ZAN: variants seen among roughly 807,000 people sequenced by gnomAD.
The protein encoded by ZAN is zonadhesin (gene/pseudogene).
A neutral mutation model predicts 286.2 loss-of-function variants in ZAN; 260 were observed. The ratio of observed to expected loss-of-function variants is 0.91; its 90% confidence interval spans 0.82 to 1.01. The LOEUF is 1.01. Ranked by LOEUF, ZAN falls within the 50% of genes least tolerant of loss-of-function variation. The pLI is 0.00. For synonymous variants in ZAN, 1,368 were observed against 1,417.5 expected (o/e 0.97, Z 0.79); for missense variants, 3,410 against 3,639.2 (o/e 0.94, Z 1.62).
Position 100,793,851 on chromosome 7 carries a change from G to C in ZAN, c.7819G>C (p.Glu2607Gln), listed in dbSNP as rs777132059. ...HGVSSRYHIS[E>Q]LYDTLPSILC... is the part of the protein sequence containing the mutation. ...AGTGTCCAGCAGGTACCATATATCA[G>C]AGCTGTATGACACCCTGCCCAGCAT... Residue 2607 changes from glutamate to glutamine, a missense_variant, in exon 43 of 48, where the codon GAG becomes CAG. Glu to Gln is a conservative substitution (Grantham distance 29). Transcript: ENST00000613979. 3.1e-6 allele frequency: 5 copies of C among 1,611,666 alleles called. No individual in the cohort carries two copies. In the South Asian group the frequency reaches 5.5e-5, roughly 18 times the overall value.
At chr7:100,747,053 C>T (rs946184936) in intron 8 of ZAN, among the ~76,000 whole-genome samples, 4 of 151,788 alleles carry the variant, frequency 2.6e-5, no homozygotes, top group Admixed American at 6.6e-5. Flanking sequence ...CACTGCACTC[C>T]GGCCTGGTGA....
intron 46 of ZAN, 25 bp downstream of exon 46, chr7:100,797,490 A>C (rs770627519): frequency 6.3e-6 from 10 of 1,593,248 alleles, no homozygotes; most frequent in Non-Finnish European, 7.7e-6. Flanking sequence ...GGAGAGAGGA[A>C]GGGCGGGTGG....
At position 100,752,242 on chromosome 7, in the gene ZAN, TCCCCAGAAAAACCCACCATCC is replaced by T; in HGVS notation, c.2140_2160del (p.Pro714_Pro720del). On this transcript the variant is annotated inframe_deletion, in exon 14 of 48. Coordinates refer to ENST00000613979, the MANE Select transcript of ZAN (RefSeq NM_003386.3). ...CATCTCCACAGAAAAACCCACCATCTCCCCAGAAAAACCCACCATCCCCACAGAAAAACCCACCATCCCCAC... is the reference window on the plus strand; with the variant it reads ...CATCTCCACAGAAAAACCCACCATCTCCACAGAAAAACCCACCATCCCCAC... The T allele has an allele frequency of 1.3e-6, 2 of 1,482,286 alleles. No homozygotes were observed. The highest frequency in any genetic ancestry group is 1.2e-5 in the South Asian group (1 of 83,390). 91.8% of individuals were successfully genotyped at this position (1,482,286 alleles called of 1,614,324 possible).
intron 7 of ZAN, among the ~76,000 whole-genome samples, chr7:100,745,902 A>G (rs1808185037): frequency 6.6e-6 from 1 of 150,614 alleles, no homozygotes; most frequent in Middle Eastern, 3.3e-3. Context: ...AAGAAAAGGA[A>G]CAGGCTATGA....
In ZAN at chr7:100,775,267, C is replaced by T; in HGVS notation, c.5780-61C>T. On this transcript the variant is annotated intron_variant, in intron 31 of 47. Transcript: ENST00000613979. Reference sequence around the variant, plus strand: ...GGCAGGGAGAACCCAGGACTAGTTTCCCAGGGACCCTGTACCTGCCAGAGG... The same window carrying T: ...GGCAGGGAGAACCCAGGACTAGTTTTCCAGGGACCCTGTACCTGCCAGAGG... 5 of 1,567,724 alleles carry T rather than the reference C, an allele frequency of 3.2e-6. No homozygotes were observed. In the South Asian group the frequency reaches 4.7e-5, roughly 15 times the overall value.
At chr7:100,765,101 G>A (rs541481707) in intron 22 of ZAN, among the ~76,000 whole-genome samples, 1 of 152,276 alleles carries the variant, frequency 6.6e-6, no homozygotes, top group South Asian at 2.1e-4. Context: ...ACACAGCAGC[G>A]CTGCCAGTGG....
intron 28 of ZAN, 65 bp from the exon 29 acceptor site, chr7:100,771,779 A>C: frequency 2.6e-6 from 4 of 1,516,336 alleles, no homozygotes; most frequent in Non-Finnish European, 3.6e-6. Context: ...AGCCCCAGGG[A>C]AGCCACATGG....
intron 11 of ZAN, among the ~76,000 whole-genome samples, chr7:100,750,090 A>T (rs1808544833): frequency 6.7e-6 from 1 of 149,686 alleles, no homozygotes; most frequent in Non-Finnish European, 1.5e-5. Flanking sequence ...ACACACACAC[A>T]CACACACACG....
At position 100,735,134 on chromosome 7, in the gene ZAN, A is replaced by C. The variant is rs1257355790; in HGVS notation, c.54-586A>C. Reference sequence around the variant, plus strand: ...GGGAGGCGGAGACTGCAGTGAGCGGAAATTGCACCATTGCACTCCAGCCTG... The same window carrying C: ...GGGAGGCGGAGACTGCAGTGAGCGGCAATTGCACCATTGCACTCCAGCCTG... On this transcript the variant is annotated intron_variant, in intron 2 of 47. Transcript: ENST00000613979. 1.4e-5 allele frequency among the ~76,000 whole-genome samples: 2 copies of C among 138,772 alleles called. 1 individual carries two copies. Among genetic ancestry groups the C allele is most frequent in the African/African-American group, 5.3e-5 (2 of 37,880 alleles). The allele number at this position is 138,772 out of a possible 152,430, so 91.0% of individuals were successfully genotyped here.
chr7:100,747,595 A>C lies in ZAN; in HGVS notation c.977A>C (p.Asn326Thr). 6.2e-7 allele frequency: 1 copy of C among 1,613,748 alleles called. No homozygotes were observed. The highest frequency in any genetic ancestry group is 8.5e-7 in the Non-Finnish European group (1 of 1,179,824). Residue 326 changes from asparagine to threonine, a missense_variant, in exon 9 of 48, where the codon AAC (asparagine) becomes ACC (threonine). Physicochemically the swap from Asn to Thr is moderately conservative, Grantham distance 65. Around this residue, in one of 7 missense-constraint regions of ZAN, gnomAD observed 872 missense variants for 938.9 expected, o/e 0.93. Transcript: ENST00000613979. ...HTLFSGQPGPNWQAVSVNYTA... is the reference protein window; with the variant it reads ...HTLFSGQPGPTWQAVSVNYTA... ...CTCTTCTCAGGACAACCTGGGCCCA[A>C]CTGGCAGGCTGTTTCTGTCAATTAC...
intron 26 of ZAN, 86 bp downstream of exon 26, chr7:100,768,097 G>A: frequency 7.0e-7 from 1 of 1,430,898 alleles, no homozygotes; most frequent in Non-Finnish European, 9.4e-7. Context: ...TCTCTGTGAG[G>A]TGTTCTAAGT....
chr7:100,734,202 G>A lies in ZAN; in HGVS notation c.34G>A (p.Val12Met). 6.9e-7 allele frequency: 1 copy of A among 1,457,756 alleles called. No individual in the cohort carries two copies. The highest frequency in any genetic ancestry group is 9.3e-7 in the Non-Finnish European group (1 of 1,072,690). The allele number at this position is 1,457,756 out of a possible 1,614,324, so 90.3% of individuals were successfully genotyped here. The change falls in exon 2 of 48, where the codon GTG becomes ATG. Residue 12 changes from valine (V) to methionine (M), a missense_variant. Transcript: ENST00000613979. ...TCCAGTCTGGACTCTGCTGCTTCTG[G>A]TGGGGGCTGCCCTTTTCAGGTAAGC... ...VPPVWTLLLLVGAALFRKEKP... is the reference protein window; with the variant it reads ...VPPVWTLLLLMGAALFRKEKP...
chr7:100,759,888 G>A (rs376749556), intron 18 of ZAN, 43 bp downstream of exon 18: 1 of 1,593,080 alleles, frequency 6.3e-7, no homozygotes, highest in East Asian at 2.2e-5. Flanking sequence ...GGGTCTGACT[G>A]TGTGTCCTGG....
chr7:100,736,894 C>T lies in ZAN; in HGVS notation c.339C>T (p.Gly113=), dbSNP rs1310565773. Residue 113 remains glycine (G), a synonymous_variant, in exon 5 of 48, where the codon GGC becomes GGT. Transcript: ENST00000613979. The stretch of plus-strand genomic sequence containing the variant: ...TCAGCCCCGACCTATGGGAGCAAGG[C>T]CCCCTCTGTGTGCACTTTGCCCACC... ...RLLSPDLWEQ[G]PLCVHFAHHM... 3 of 1,488,856 alleles carry T rather than the reference C, an allele frequency of 2.0e-6. No individual in the cohort carries two copies. Among genetic ancestry groups the T allele is most frequent in the East Asian group, 2.4e-5 (1 of 42,238 alleles). 92.2% of individuals were successfully genotyped at this position (1,488,856 alleles called of 1,614,324 possible). A position where few individuals can be genotyped will look rare whatever the true frequency, so the allele number is the denominator to read the frequency against.
chr7:100,755,482 G>T, intron 15 of ZAN, 72 bp downstream of exon 15: 1 of 1,551,762 alleles, frequency 6.4e-7, no homozygotes, highest in Non-Finnish European at 8.7e-7. Flanking sequence ...AGCTCCATCT[G>T]CTCCCCATGT....
chr7:100,747,324 T>C (rs1808298284), intron 8 of ZAN, among the ~76,000 whole-genome samples: 1 of 151,994 alleles, frequency 6.6e-6, no homozygotes, highest in South Asian at 2.1e-4. Context: ...GAGACAGAAG[T>C]TGCAGTGAGC....
chr7:100,788,441 A>G (rs756605441), intron 38 of ZAN, among the ~76,000 whole-genome samples: 40 of 152,040 alleles, frequency 2.6e-4, no homozygotes, highest in Admixed American at 2.1e-3. Context: ...AGTTCCAGCT[A>G]TTGGGCAGGC....
At chr7:100,777,716 C>T (rs1810914392) in intron 34 of ZAN, among the ~76,000 whole-genome samples, 1 of 152,038 alleles carries the variant, frequency 6.6e-6, no homozygotes, top group Non-Finnish European at 1.5e-5. Flanking sequence ...GTAGGGCACA[C>T]CTGGGGCAGG....
intron 8 of ZAN, 66 bp from the exon 9 acceptor site, chr7:100,747,484 G>A (rs1808311357): frequency 6.6e-6 from 9 of 1,358,462 alleles, no homozygotes; most frequent in Non-Finnish European, 9.5e-6. Flanking sequence ...ATCCTCCTAG[G>A]TATAGTTCAA....
Sources: gnomAD v4.1 joint callset for allele counts (sites outside exome capture counted in the v4.1 genomes callset) on GRCh38, gnomAD v4.1.1 for gene constraint, gnomAD v4.1.1 regional missense constraint, MANE v1.5 for transcripts, NCBI Gene and HGNC (gene_info 2026-07-23, HGNC 2026-07-21) for gene names.